KALRN: variants seen among roughly 807,000 people sequenced by gnomAD.
KALRN encodes kalirin RhoGEF kinase.
KALRN carries 70 observed loss-of-function variants against 353.7 expected under a neutral mutation model. The observed-to-expected ratio is 0.20, with a 90% confidence interval of 0.16 to 0.24. The LOEUF is 0.24. Among genes scored for constraint, KALRN ranks in the 10% least tolerant of loss-of-function variants. The probability of loss-of-function intolerance (pLI) is 1.00; values close to 1 mark genes in which losing one functional copy is unlikely to be tolerated. For synonymous variants in KALRN, 1,391 were observed against 1,434.8 expected, an observed-to-expected ratio of 0.97 and a Z score of 0.69; for missense variants, 2,791 against 3,756.7, an observed-to-expected ratio of 0.74 and a Z score of 6.72.
At chr3:124,658,405 C>T (rs764144394) in intron 41 of KALRN, 26 bp from the exon 42 acceptor site, 2 of 1,558,010 alleles carry the variant, frequency 1.3e-6, no homozygotes, top group African/African-American at 1.4e-5. Flanking sequence ...GCCTGACTGT[C>T]CACATGTCTC....
In KALRN at chr3:124,058,445, C is replaced by T. The variant is rs536383317; in HGVS notation, c.73+24632C>T. Among the ~76,000 whole-genome samples the T allele has an allele frequency of 7.9e-5, 12 of 152,282 alleles. No individual in the cohort carries two copies. The East Asian group carries it at 2.1e-3, about 27-fold the overall frequency. On this transcript the variant is annotated intron_variant, in intron 1 of 59. Transcript: ENST00000682506. Reference sequence around the variant, plus strand: ...AGGGTCTTTCTGGCCGCAAGCAGAACAGGTTGTGAACTAAAGATACCCATT... The same window carrying T: ...AGGGTCTTTCTGGCCGCAAGCAGAATAGGTTGTGAACTAAAGATACCCATT...
chr3:124,454,880 AC>A (rs2059154121), intron 21 of KALRN, among the ~76,000 whole-genome samples: 1 of 152,202 alleles, frequency 6.6e-6, no homozygotes, highest in South Asian at 2.1e-4. Context: ...TATATAAGGA[AC>A]TTGCATATCT....
chr3:124,627,476 A>G (rs2080088688), intron 34 of KALRN, among the ~76,000 whole-genome samples: 1 of 152,224 alleles, frequency 6.6e-6, no homozygotes, highest in African/African-American at 2.4e-5. Flanking sequence ...GAATCTCAAA[A>G]CCAGGCCATG....
chr3:124,611,127 A>G (rs2077911164), intron 34 of KALRN, among the ~76,000 whole-genome samples: 1 of 152,236 alleles, frequency 6.6e-6, no homozygotes, highest in South Asian at 2.1e-4. Flanking sequence ...TGGGTGTTGT[A>G]GTTCTCAATA....
intron 33 of KALRN, among the ~76,000 whole-genome samples, chr3:124,498,983 C>G (rs1188050204): frequency 6.6e-6 from 1 of 151,844 alleles, no homozygotes; most frequent in Non-Finnish European, 1.5e-5. Context: ...TTCAGGTAAA[C>G]TGACTCATAT....
intron 25 of KALRN, among the ~76,000 whole-genome samples, chr3:124,462,987 G>A (rs1561023504): frequency 6.6e-6 from 1 of 152,146 alleles, no homozygotes; most frequent in Non-Finnish European, 1.5e-5. Flanking sequence ...TCCACCTTGT[G>A]ATCTTTAGGT....
At chr3:124,658,586 A>G (rs901070008) in intron 42 of KALRN, 69 bp downstream of exon 42, 1 of 1,147,228 alleles carries the variant, frequency 8.7e-7, no homozygotes, top group Non-Finnish European at 1.3e-6. Flanking sequence ...ACTTTCAGAA[A>G]TACCAGACGT....
chr3:124,102,199 G>A (rs1270221139), intron 1 of KALRN, among the ~76,000 whole-genome samples: 1 of 151,822 alleles, frequency 6.6e-6, no homozygotes, highest in Non-Finnish European at 1.5e-5. Context: ...TTGGCTTTTG[G>A]CACAAGATCA....
chr3:124,257,447 C>T (rs75767644), intron 3 of KALRN, among the ~76,000 whole-genome samples: 1,856 of 152,292 alleles, frequency 0.012, 33 homozygotes, highest in African/African-American at 0.042. Flanking sequence ...GGTGAAAGTG[C>T]TTTTCTGAGA....
At chr3:124,574,620 G>T (rs1349691105) in intron 34 of KALRN, among the ~76,000 whole-genome samples, 1 of 152,220 alleles carries the variant, frequency 6.6e-6, no homozygotes, top group Non-Finnish European at 1.5e-5. Flanking sequence ...AGCTGGAGAT[G>T]ATAGAGAGGA....
At chr3:124,313,051 C>A (rs1175511630) in intron 6 of KALRN, among the ~76,000 whole-genome samples, 3 of 152,052 alleles carry the variant, frequency 2.0e-5, no homozygotes, top group African/African-American at 7.2e-5. Context: ...TGAGGGAGCC[C>A]AATAAGGCAT....
At chr3:124,208,094 T>A (rs1214456807) in intron 1 of KALRN, among the ~76,000 whole-genome samples, 1 of 152,212 alleles carries the variant, frequency 6.6e-6, no homozygotes, top group East Asian at 1.9e-4. Context: ...GCCCACATCC[T>A]GGCCATGCAG....
At chr3:124,635,276 A>G (rs185670381) in intron 36 of KALRN, among the ~76,000 whole-genome samples, 100 of 152,318 alleles carry the variant, frequency 6.6e-4, no homozygotes, top group African/African-American at 2.4e-3. Flanking sequence ...AACAGCGATC[A>G]TGGCCTAAGG....
chr3:124,569,202 G>T (rs917530930), intron 34 of KALRN, among the ~76,000 whole-genome samples: 1 of 152,124 alleles, frequency 6.6e-6, no homozygotes, highest in Non-Finnish European at 1.5e-5. Flanking sequence ...ATGCTCTAGA[G>T]GAGAGGGACA....
chr3:124,571,159 A>G (rs2073471148), intron 34 of KALRN, among the ~76,000 whole-genome samples: 2 of 152,342 alleles, frequency 1.3e-5, no homozygotes, highest in Non-Finnish European at 2.9e-5. Flanking sequence ...AAGTAATACA[A>G]TTTGCAGATA....
At chr3:124,368,794 C>G (rs2085388711) in intron 10 of KALRN, among the ~76,000 whole-genome samples, 1 of 152,034 alleles carries the variant, frequency 6.6e-6, no homozygotes, top group African/African-American at 2.4e-5. Context: ...GTGAACGAGA[C>G]TCCGTCTGCA....
intron 8 of KALRN, among the ~76,000 whole-genome samples, chr3:124,332,370 G>A (rs1203826460): frequency 6.6e-6 from 1 of 152,096 alleles, no homozygotes; most frequent in South Asian, 2.1e-4. Flanking sequence ...GGAGATGGAA[G>A]CACACACACC....
chr3:124,482,625 A>T (rs1052240032), intron 27 of KALRN, among the ~76,000 whole-genome samples, 183 bp from the exon 28 acceptor site: 2 of 151,300 alleles, frequency 1.3e-5, no homozygotes, highest in African/African-American at 4.9e-5. Flanking sequence ...TTTTCTCTAT[A>T]TGCATCTTGG....
intron 34 of KALRN, among the ~76,000 whole-genome samples, chr3:124,599,621 C>T (rs1040427435): frequency 6.6e-6 from 1 of 152,200 alleles, no homozygotes; most frequent in African/African-American, 2.4e-5. Flanking sequence ...ATGCTGTAGA[C>T]CTGTTTCTGT....
Sources: allele counts gnomAD v4.1 joint callset (sites outside exome capture counted in the v4.1 genomes callset), GRCh38; gene constraint gnomAD v4.1.1; transcripts MANE v1.5; gene names NCBI Gene and HGNC (gene_info 2026-07-23, HGNC 2026-07-21).